JADE1: variants seen among roughly 807,000 people sequenced by gnomAD.
JADE1 encodes the protein jade family PHD finger 1.
A neutral mutation model predicts 81.8 loss-of-function variants in JADE1; 14 were observed. The observed-to-expected ratio is 0.17, with a 90% CI of 0.11 to 0.27. JADE1 has a LOEUF of 0.27. JADE1 is among the 10% of genes least tolerant of loss of function. The pLI, the probability that JADE1 is intolerant of heterozygous loss-of-function variation, is 1.00. For missense variants in JADE1, 690 were observed against 1,047.9 expected (o/e 0.66, Z 4.71); for synonymous variants, 353 against 391.9 (o/e 0.90, Z 1.17).
At chr4:128,815,050 CTT>C (rs869103655) in intron 1 of JADE1, among the ~76,000 whole-genome samples, 18 of 137,384 alleles carry the variant, frequency 1.3e-4, no homozygotes, top group South Asian at 2.3e-4. Flanking sequence ...TCTTAAGTAA[CTT>C]TTTTTTTTTT....
chr4:128,839,274 T>C (rs1729232462), intron 2 of JADE1, among the ~76,000 whole-genome samples: 1 of 152,238 alleles, frequency 6.6e-6, no homozygotes, highest in African/African-American at 2.4e-5. Flanking sequence ...CTCCTGGAGA[T>C]GGAAGGCAGA....
chr4:128,850,990 G>T (rs1730301898), intron 5 of JADE1, among the ~76,000 whole-genome samples: 1 of 152,174 alleles, frequency 6.6e-6, no homozygotes, highest in Admixed American at 6.5e-5. Context: ...GAGTGCAGGG[G>T]TGCAATCTCG....
chr4:128,832,925 T>TGGCACA (rs200368393), intron 2 of JADE1, among the ~76,000 whole-genome samples: 1,920 of 152,278 alleles, frequency 0.013, 51 homozygotes, highest in African/African-American at 0.044. Flanking sequence ...TTGGTGTGCT[T>TGGCACA]GGCACAGGCA....
chr4:128,811,188 G>C (rs1183694644), intron 1 of JADE1: 3 of 152,260 alleles, frequency 2.0e-5, no homozygotes, highest in Non-Finnish European at 4.4e-5. Context: ...AATCCTGTCG[G>C]AACGGTCCCA....
At chr4:128,812,717 T>C (rs1726581859) in intron 1 of JADE1, among the ~76,000 whole-genome samples, 1 of 152,230 alleles carries the variant, frequency 6.6e-6, no homozygotes, top group Admixed American at 6.5e-5. Context: ...TAGGAATGCG[T>C]CGTCATCCGG....
chr4:128,866,195 A>C (rs748355415), intron 9 of JADE1, among the ~76,000 whole-genome samples: 1 of 152,246 alleles, frequency 6.6e-6, no homozygotes, highest in Non-Finnish European at 1.5e-5. Context: ...AGAAGGGAAG[A>C]AACTACCTTA....
intron 9 of JADE1, 47 bp from the exon 10 acceptor site, chr4:128,867,809 T>G (rs746339677): frequency 8.1e-7 from 1 of 1,236,776 alleles, no homozygotes; most frequent in Non-Finnish European, 1.2e-6. Context: ...ACCAAAGTAC[T>G]GTTATACTGT....
intron 1 of JADE1, among the ~76,000 whole-genome samples, chr4:128,829,673 AG>A (rs1248153762): frequency 4.6e-5 from 7 of 152,196 alleles, no homozygotes; most frequent in Non-Finnish European, 8.8e-5. Context: ...GGTAAAGGGA[AG>A]GAGACTTCAC....
intron 2 of JADE1, among the ~76,000 whole-genome samples, chr4:128,838,944 T>G (rs926450063): frequency 6.6e-6 from 1 of 152,208 alleles, no homozygotes; most frequent in African/African-American, 2.4e-5. Context: ...TATCTTTAAA[T>G]GTATTATTGC....
intron 9 of JADE1, chr4:128,863,290 C>T: frequency 2.0e-6 from 2 of 985,516 alleles, no homozygotes; most frequent in Non-Finnish European, 2.4e-6. Flanking sequence ...AGAGCATCTT[C>T]CACATCAACT....
rs1008119728 is a variant in JADE1 at position 128,874,701 on chromosome 4, C to T, written c.*2439C>T. 6.6e-6 allele frequency: 1 copy of T among 152,560 alleles called. No individual in the cohort carries two copies. Among genetic ancestry groups the T allele is most frequent in the East Asian group, 1.9e-4 (1 of 5,192 alleles). 9.5% of individuals were successfully genotyped at this position (152,560 alleles called of 1,614,324 possible). On this transcript the variant is annotated 3_prime_UTR_variant, in exon 11 of 11. Coordinates refer to ENST00000226319, the MANE Select transcript of JADE1 (RefSeq NM_199320.4). ...AGCAACCAGCCCAAACACCCACTTG[C>T]GTTCTATTAGTATGGAACCATTTGC...
Position 128,821,549 on chromosome 4 carries a change from C to T in JADE1, c.-26-10184C>T, listed in dbSNP as rs148555253. 1.6e-3 allele frequency among the ~76,000 whole-genome samples: 225 copies of T among 144,102 alleles called. 3 individuals are homozygous for T. Among genetic ancestry groups the T allele is most frequent in the East Asian group, 0.014 (68 of 4,858 alleles). The allele number at this position is 144,102 out of a possible 152,430, so 94.5% of individuals were successfully genotyped here. A position where few individuals can be genotyped will look rare whatever the true frequency, so the allele number is the denominator to read the frequency against. ...CACTCTTTTTGCCCAGGCTGGAGTACAGTGGCACGATCTCGGCTTACTGCA... is the reference window on the plus strand; with the variant it reads ...CACTCTTTTTGCCCAGGCTGGAGTATAGTGGCACGATCTCGGCTTACTGCA... On this transcript the variant is annotated intron_variant, in intron 1 of 10. Coordinates refer to ENST00000226319, the MANE Select transcript of JADE1 (RefSeq NM_199320.4).
At chr4:128,857,259 T>G in intron 7 of JADE1, 79 bp from the exon 8 acceptor site, 1 of 1,074,196 alleles carries the variant, frequency 9.3e-7, no homozygotes, top group Non-Finnish European at 1.4e-6. Flanking sequence ...AGGAAAGTAA[T>G]GGATCTTTTA....
chr4:128,813,441 G>C (rs1439199838), intron 1 of JADE1, among the ~76,000 whole-genome samples: 1 of 128,476 alleles, frequency 7.8e-6, no homozygotes, highest in East Asian at 2.2e-4. Context: ...CCTTGAGACA[G>C]AGTCTTTCGC....
rs1320498342 is a variant in JADE1 at position 128,843,029 on chromosome 4, G to A, written c.129G>A (p.Lys43=). The part of the protein sequence containing the change: ...RSSCSRHEDR[K]PSEVFRTDLI... The stretch of plus-strand genomic sequence containing the variant: ...CCTGCTCCAGACATGAAGATCGAAA[G>A]CCTTCAGAGGTACTTCTTGAATGCT... The change falls in exon 3 of 11, where the codon AAG becomes AAA. Residue 43 remains lysine, a synonymous_variant. Coordinates refer to ENST00000226319, the MANE Select transcript of JADE1 (RefSeq NM_199320.4). 6.2e-7 allele frequency: 1 copy of A among 1,613,678 alleles called. No individual in the cohort carries two copies.
At chr4:128,859,660 T>G (rs1731158950) in intron 8 of JADE1, among the ~76,000 whole-genome samples, 2 of 152,226 alleles carry the variant, frequency 1.3e-5, no homozygotes, top group Admixed American at 1.3e-4. Context: ...GCAGACCACA[T>G]TCCCCGGTGT....
intron 2 of JADE1, among the ~76,000 whole-genome samples, chr4:128,842,456 C>T (rs1317337925): frequency 6.6e-6 from 1 of 152,070 alleles, no homozygotes; most frequent in Admixed American, 6.6e-5. Context: ...CCTGCCACCA[C>T]GCGAAGCTAA....
At chr4:128,829,802 C>A (rs1051511309) in intron 1 of JADE1, among the ~76,000 whole-genome samples, 1 of 151,948 alleles carries the variant, frequency 6.6e-6, no homozygotes, top group African/African-American at 2.4e-5. Flanking sequence ...TTTTTGACTG[C>A]TCTTTTGTAG....
At position 128,831,815 on chromosome 4, in the gene JADE1, G is replaced by A. The variant is rs1237423546; in HGVS notation, c.52+5G>A. ...AGGATTCTGACGACAATGGCAGTAA[G>A]TCCTGCTTTGTTGTTCTTGGAGCCT... On this transcript the variant is annotated splice_donor_5th_base_variant and intron_variant, in intron 2 of 10. Coordinates refer to ENST00000226319, the MANE Select transcript of JADE1 (RefSeq NM_199320.4). 1 of 1,613,400 alleles carries A rather than the reference G, an allele frequency of 6.2e-7. No individual in the cohort carries two copies. Among genetic ancestry groups the A allele is most frequent in the Admixed American group, 1.7e-5 (1 of 60,030 alleles).
Sources: gnomAD v4.1 joint callset for allele counts (sites outside exome capture counted in the v4.1 genomes callset) on GRCh38, gnomAD v4.1.1 for gene constraint, MANE v1.5 for transcripts, NCBI Gene and HGNC (gene_info 2026-07-23, HGNC 2026-07-21) for gene names.